GRIA4: variants seen among roughly 807,000 people sequenced by gnomAD.
GRIA4 encodes the protein glutamate ionotropic receptor AMPA type subunit 4, also known as glutamate receptor 4.
GRIA4 carries 34 observed loss-of-function variants against 104.0 expected under a neutral mutation model. That is an observed-to-expected ratio of 0.33 (90% CI 0.25 to 0.44). The LOEUF is 0.44. Among genes scored for constraint, GRIA4 ranks in the 20% least tolerant of loss-of-function variants. The pLI, the probability that GRIA4 is intolerant of heterozygous loss-of-function variation, is 1.00. For synonymous variants in GRIA4, 386 were observed against 381.9 expected (o/e 1.01, Z -0.13); for missense variants, 750 against 1,096.5 (o/e 0.68, Z 4.46).
intron 4 of GRIA4, among the ~76,000 whole-genome samples, chr11:105,847,119 T>C (rs937446065): frequency 1.3e-5 from 2 of 152,000 alleles, no homozygotes; most frequent in African/African-American, 4.8e-5. Context: ...CGGGGACCGG[T>C]TTCCTGGAAG....
intron 14 of GRIA4, among the ~76,000 whole-genome samples, chr11:105,958,549 A>G (rs1382294220): frequency 6.6e-6 from 1 of 152,178 alleles, no homozygotes; most frequent in African/African-American, 2.4e-5. Flanking sequence ...ATTGATGTTC[A>G]TCAGGGATAT....
rs1024019070 is a variant in GRIA4, at chr11:105,787,519, A to G, written c.487+34299A>G. On this transcript the variant is annotated intron_variant, in intron 4 of 16. Transcript: ENST00000282499. ...GAGATGGAGTCTTGTTCTGTCGCCT[A>G]GGCTGGAGTGCAATGGAGCGATCTC... Among the ~76,000 whole-genome samples, 4 of 116,586 alleles carry G rather than the reference A, an allele frequency of 3.4e-5. No homozygotes were observed. In the Admixed American group the frequency reaches 3.8e-4, roughly 11 times the overall value. The allele number at this position is 116,586 out of a possible 152,430, so 76.5% of individuals were successfully genotyped here.
chr11:105,922,542 T>A (rs1168383469), intron 11 of GRIA4, among the ~76,000 whole-genome samples: 1 of 152,174 alleles, frequency 6.6e-6, no homozygotes, highest in Admixed American at 6.6e-5. Context: ...ACAATATGAA[T>A]ATCCCTCAAA....
At chr11:105,843,768 A>G (rs1944476517) in intron 4 of GRIA4, among the ~76,000 whole-genome samples, 1 of 152,212 alleles carries the variant, frequency 6.6e-6, no homozygotes, top group Non-Finnish European at 1.5e-5. Flanking sequence ...AAGCATAGAT[A>G]TTGACCTTTG....
At chr11:105,950,804 T>C (rs1263595697) in intron 14 of GRIA4, among the ~76,000 whole-genome samples, 1 of 152,082 alleles carries the variant, frequency 6.6e-6, no homozygotes, top group East Asian at 1.9e-4. Context: ...GCATAGACCC[T>C]ACCAAGCCTG....
chr11:105,968,012 G>A (rs1379896185), intron 14 of GRIA4, among the ~76,000 whole-genome samples: 1 of 152,192 alleles, frequency 6.6e-6, no homozygotes, highest in African/African-American at 2.4e-5. Context: ...AAATGCAACT[G>A]ACTCTAAAGC....
intron 5 of GRIA4, among the ~76,000 whole-genome samples, chr11:105,878,452 G>A (rs1945917466): frequency 6.6e-6 from 1 of 152,200 alleles, no homozygotes; most frequent in South Asian, 2.1e-4. Context: ...TGTGCTGGGA[G>A]ATCCACTGCT....
intron 3 of GRIA4, among the ~76,000 whole-genome samples, chr11:105,664,316 G>A (rs1952101078): frequency 6.6e-6 from 1 of 150,408 alleles, no homozygotes; most frequent in African/African-American, 2.4e-5. Context: ...TGAACTTGCC[G>A]AGTTTGAGAA....
intron 4 of GRIA4, among the ~76,000 whole-genome samples, chr11:105,859,840 A>G (rs575557177): frequency 6.6e-6 from 1 of 152,308 alleles, no homozygotes; most frequent in Non-Finnish European, 1.5e-5. Flanking sequence ...GTCGAAGAAC[A>G]TGTTCATAGG....
chr11:105,794,469 G>GTATATA (rs1200611859), intron 4 of GRIA4, among the ~76,000 whole-genome samples: 588 of 40,560 alleles, frequency 0.014, 74 homozygotes, highest in East Asian at 0.023. Flanking sequence ...GTGTGTATAT[G>GTATATA]TATGTATATA....
rs1947336582 is a variant in GRIA4 at position 105,914,210 on chromosome 11, G to C, written c.1269+3665G>C. Among the ~76,000 whole-genome samples, 4 of 151,476 alleles carry C rather than the reference G, an allele frequency of 2.6e-5. No individual in the cohort carries two copies. The South Asian group carries it at 6.2e-4, about 24-fold the overall frequency. Reference sequence around the variant, plus strand: ...TTTTGGCTAAATTTAAATTTTTTCAGCCATTAGATTTACTAATTTTTTTTC... The same window carrying C: ...TTTTGGCTAAATTTAAATTTTTTCACCCATTAGATTTACTAATTTTTTTTC... On this transcript the variant is annotated intron_variant, in intron 10 of 16. Transcript: ENST00000282499.
intron 4 of GRIA4, among the ~76,000 whole-genome samples, chr11:105,806,894 A>G (rs1285464675): frequency 6.6e-6 from 1 of 151,898 alleles, no homozygotes; most frequent in Admixed American, 6.6e-5. Context: ...AAAAATAAAT[A>G]TAAAAAGGAA....
rs980140253 is a variant in GRIA4 at position 105,783,773 on chromosome 11, T to C, written c.487+30553T>C. 7.1e-4 allele frequency among the ~76,000 whole-genome samples: 108 copies of C among 151,922 alleles called. 1 individual carries two copies. Among genetic ancestry groups the C allele is most frequent in the African/African-American group, 2.4e-3 (101 of 41,436 alleles). On this transcript the variant is annotated intron_variant, in intron 4 of 16. Transcript: ENST00000282499. The stretch of plus-strand genomic sequence containing the variant: ...GTGTGTGTGTGTGTGTGTGTGTGTG[T>C]GTGTGTGTGTGTGTATGTGTATGAG...
intron 3 of GRIA4, among the ~76,000 whole-genome samples, chr11:105,703,763 C>T (rs1953591294): frequency 6.6e-6 from 1 of 151,994 alleles, no homozygotes; most frequent in Non-Finnish European, 1.5e-5. Context: ...AACCTATGAC[C>T]TTGTACCCTT....
chr11:105,767,059 G>A (rs899066007), intron 4 of GRIA4, among the ~76,000 whole-genome samples: 3 of 152,128 alleles, frequency 2.0e-5, no homozygotes, highest in African/African-American at 7.2e-5. Context: ...TTTATTTGCT[G>A]CTGTATTCTC....
chr11:105,977,335 G>A (rs1235764847), intron 16 of GRIA4, among the ~76,000 whole-genome samples: 2 of 151,958 alleles, frequency 1.3e-5, no homozygotes, highest in Admixed American at 6.6e-5. Flanking sequence ...TGAATCTCTT[G>A]TTAAACAAGA....
At chr11:105,679,049 T>C (rs1377671082) in intron 3 of GRIA4, among the ~76,000 whole-genome samples, 1 of 152,062 alleles carries the variant, frequency 6.6e-6, no homozygotes, top group East Asian at 1.9e-4. Context: ...ATAGGATGTG[T>C]ATATATAGAA....
intron 3 of GRIA4, among the ~76,000 whole-genome samples, chr11:105,704,756 G>T (rs527824016): frequency 6.6e-6 from 1 of 152,138 alleles, no homozygotes; most frequent in South Asian, 2.1e-4. Flanking sequence ...ATCCCCAAAA[G>T]ATGCAAAAGT....
At chr11:105,643,821 C>T (rs898613183) in intron 3 of GRIA4, among the ~76,000 whole-genome samples, 3 of 152,234 alleles carry the variant, frequency 2.0e-5, no homozygotes, top group South Asian at 2.1e-4. Context: ...CAGGTTGAAG[C>T]GATTCTCCTG....
Sources: allele counts gnomAD v4.1 joint callset (sites outside exome capture counted in the v4.1 genomes callset), GRCh38; gene constraint gnomAD v4.1.1; transcripts MANE v1.5; gene names NCBI Gene and HGNC (gene_info 2026-07-23, HGNC 2026-07-21).